ADAM23: variants seen among roughly 807,000 people sequenced by gnomAD.
The protein encoded by ADAM23 is disintegrin and metalloproteinase domain-containing protein 23.
ADAM23 carries 33 observed loss-of-function variants against 120.1 expected under a neutral mutation model. The observed-to-expected ratio is 0.27, with a 90% CI of 0.21 to 0.37. The LOEUF is 0.37. ADAM23 is among the 10% of genes least tolerant of loss of function. The probability of loss-of-function intolerance (pLI) is 1.00; values close to 1 mark genes in which losing one functional copy is unlikely to be tolerated. For missense variants in ADAM23, 862 were observed against 1,058.2 expected (o/e 0.81, Z 2.57); for synonymous variants, 367 against 375.2 (o/e 0.98, Z 0.25).
chr2:206,503,353 G>GA (rs1219603430), intron 3 of ADAM23, among the ~76,000 whole-genome samples: 1 of 152,072 alleles, frequency 6.6e-6, no homozygotes, highest in Non-Finnish European at 1.5e-5. Context: ...AAAGTTAAAG[G>GA]AGAGGAGATA....
rs371127681 is a variant in ADAM23 at position 206,499,595 on chromosome 2, A to T, written c.509+18287A>T. 3.9e-3 allele frequency among the ~76,000 whole-genome samples: 595 copies of T among 152,088 alleles called. 2 individuals are homozygous for T. Among genetic ancestry groups the T allele is most frequent in the African/African-American group, 0.012 (491 of 41,478 alleles). On this transcript the variant is annotated intron_variant, in intron 3 of 25. Transcript: ENST00000264377. ...CATGGCACATGTATACATATGTAAC[A>T]AACCTGCACGTTGTGCACATGTACC...
rs745823546 is a variant in ADAM23 at position 206,550,084 on chromosome 2, A to T, written c.868-11A>T. On this transcript the variant is annotated splice_polypyrimidine_tract_variant and intron_variant, in intron 8 of 25. Transcript: ENST00000264377. ...ATCACTATTCTGACCATATATTTTT[A>T]TTTTCCGTAGCCATCACGTGGTATA... 4 of 1,533,312 alleles carry T rather than the reference A, an allele frequency of 2.6e-6. No individual in the cohort carries two copies. Among genetic ancestry groups the T allele is most frequent in the Non-Finnish European group, 3.6e-6 (4 of 1,112,976 alleles). 95.0% of individuals were successfully genotyped at this position (1,533,312 alleles called of 1,614,324 possible).
intron 3 of ADAM23, among the ~76,000 whole-genome samples, chr2:206,515,601 A>C (rs1266061296): frequency 6.6e-6 from 1 of 152,124 alleles, no homozygotes; most frequent in Non-Finnish European, 1.5e-5. Flanking sequence ...ATATAGTTCA[A>C]ATCCTGTCTG....
rs766302769 is a variant in ADAM23 at position 206,588,071 on chromosome 2, A to G, written c.1789-20A>G. 4 of 1,613,778 alleles carry G rather than the reference A, an allele frequency of 2.5e-6. No homozygotes were observed. In the African/African-American group the frequency reaches 5.3e-5, roughly 22 times the overall value. ...GACAAACTGACTCTGTGTGCCTCAC[A>G]TGTGTGCTCCTGTCCCCAGGGCCGC... is the stretch of plus-strand genomic sequence containing the variant. On this transcript the variant is annotated intron_variant, in intron 19 of 25. Transcript: ENST00000264377.
At chr2:206,609,762 A>G in intron 24 of ADAM23, 148 bp from the exon 25 acceptor site, 1 of 629,610 alleles carries the variant, frequency 1.6e-6, no homozygotes, top group East Asian at 3.4e-5. Context: ...TCTAAAATGC[A>G]ATTAAGCTAA....
At chr2:206,497,144 T>G (rs1458975131) in intron 3 of ADAM23, among the ~76,000 whole-genome samples, 2 of 152,198 alleles carry the variant, frequency 1.3e-5, no homozygotes, top group Non-Finnish European at 2.9e-5. Flanking sequence ...CCTCCCTAAC[T>G]CATTTTATGA....
At chr2:206,504,204 T>A in intron 3 of ADAM23, among the ~76,000 whole-genome samples, 1 of 152,198 alleles carries the variant, frequency 6.6e-6, no homozygotes, top group South Asian at 2.1e-4. Flanking sequence ...GTTAAATACA[T>A]TTTTTTGATA....
chr2:206,562,413 T>G, intron 13 of ADAM23, 120 bp downstream of exon 13: 1 of 677,786 alleles, frequency 1.5e-6, no homozygotes, highest in Non-Finnish European at 2.4e-6. Flanking sequence ...GTATATCTCC[T>G]TCCTCTAAAA....
At chr2:206,556,806 T>A (rs915662694) in intron 9 of ADAM23, among the ~76,000 whole-genome samples, 7 of 152,212 alleles carry the variant, frequency 4.6e-5, no homozygotes, top group African/African-American at 1.7e-4. Context: ...GAGGCATTCC[T>A]CTGAAAGGAT....
rs148686149 is a variant in ADAM23, at chr2:206,451,632, T to A, written c.432+6108T>A. ...CATTTATAGACATAGCAGTTGAGATTTATAGTTAGTATCTTCAGTAAGGAC... is the reference window on the plus strand; with the variant it reads ...CATTTATAGACATAGCAGTTGAGATATATAGTTAGTATCTTCAGTAAGGAC... On this transcript the variant is annotated intron_variant, in intron 2 of 25. Transcript: ENST00000264377. Among the ~76,000 whole-genome samples, 824 of 152,284 alleles carry A rather than the reference T, an allele frequency of 5.4e-3. 10 individuals carry two copies. Among genetic ancestry groups the A allele is most frequent in the African/African-American group, 0.018 (759 of 41,564 alleles).
rs990790649 is a variant in ADAM23 at position 206,559,897 on chromosome 2, A to T, written c.1006-58A>T. 1.0e-5 allele frequency: 15 copies of T among 1,477,222 alleles called. No individual in the cohort carries two copies. The East Asian group carries it at 1.1e-4, about 11-fold the overall frequency. 91.5% of individuals were successfully genotyped at this position (1,477,222 alleles called of 1,614,324 possible). On this transcript the variant is annotated intron_variant, in intron 10 of 25. Coordinates refer to ENST00000264377, the MANE Select transcript of ADAM23 (RefSeq NM_003812.4). ...TCCTTCCACTGACTCTGACTCACTG[A>T]TCGTGCATGTTTGACCCAGTGTTTT...
At chr2:206,512,467 C>T (rs761216429) in intron 3 of ADAM23, among the ~76,000 whole-genome samples, 1 of 152,094 alleles carries the variant, frequency 6.6e-6, no homozygotes, top group Non-Finnish European at 1.5e-5. Context: ...TATTGAGTGC[C>T]GTTACATGGC....
intron 2 of ADAM23, among the ~76,000 whole-genome samples, chr2:206,478,507 TATGATG>T (rs58463126): frequency 6.2e-4 from 93 of 150,528 alleles, no homozygotes; most frequent in East Asian, 2.9e-3. Context: ...ATCATAATGA[TATGATG>T]ATGATGATGA....
chr2:206,452,215 C>T (rs1331369603), intron 2 of ADAM23, among the ~76,000 whole-genome samples: 1 of 152,144 alleles, frequency 6.6e-6, no homozygotes, highest in East Asian at 1.9e-4. Flanking sequence ...ATTTCTGGTC[C>T]CTTTGGGCAT....
At chr2:206,493,104 G>A (rs1696165732) in intron 3 of ADAM23, among the ~76,000 whole-genome samples, 1 of 152,098 alleles carries the variant, frequency 6.6e-6, no homozygotes, top group Admixed American at 6.6e-5. Context: ...GTCATCTGTT[G>A]CCAGTGAGAA....
intron 3 of ADAM23, among the ~76,000 whole-genome samples, chr2:206,484,549 GT>G (rs1410700542): frequency 5.9e-5 from 9 of 152,286 alleles, no homozygotes; most frequent in Non-Finnish European, 8.8e-5. Context: ...TAAGAACAGT[GT>G]AGGCAAAGCT....
intron 3 of ADAM23, among the ~76,000 whole-genome samples, chr2:206,505,356 A>G (rs1193813043): frequency 5.9e-5 from 9 of 152,216 alleles, no homozygotes; most frequent in Admixed American, 3.9e-4. Flanking sequence ...TCTCACAGCA[A>G]CCGGGGAGAT....
intron 2 of ADAM23, among the ~76,000 whole-genome samples, chr2:206,477,320 A>G (rs1695794185): frequency 6.6e-6 from 1 of 152,208 alleles, no homozygotes; most frequent in Non-Finnish European, 1.5e-5. Context: ...TTGTGTATAT[A>G]ATTGAGTTTA....
chr2:206,480,283 G>A (rs1226334543), intron 2 of ADAM23, among the ~76,000 whole-genome samples: 2 of 152,078 alleles, frequency 1.3e-5, no homozygotes, highest in Non-Finnish European at 2.9e-5. Context: ...GGGGGAAGGA[G>A]GGAATAGAAA....
Sources: gnomAD v4.1 joint callset for allele counts (sites outside exome capture counted in the v4.1 genomes callset) on GRCh38, gnomAD v4.1.1 for gene constraint, MANE v1.5 for transcripts, NCBI Gene and HGNC (gene_info 2026-07-23, HGNC 2026-07-21) for gene names.